Variants in ATXN8OS observed in about 807,000 individuals in gnomAD.
The protein encoded by ATXN8OS is ATXN8 opposite strand lncRNA, also known as ATXN8 opposite strand (non-protein coding).
chr13:70,120,494 C>T (rs1888343895), intron 2 of ATXN8OS, among the ~76,000 whole-genome samples: 1 of 152,130 alleles, frequency 6.6e-6, no homozygotes, highest in Non-Finnish European at 1.5e-5. Context: ...GGAGTCTATT[C>T]AGTCATGGAA....
intron 2 of ATXN8OS, among the ~76,000 whole-genome samples, chr13:70,124,703 G>A (rs1193888774): frequency 2.0e-5 from 3 of 151,528 alleles, no homozygotes; most frequent in Non-Finnish European, 2.9e-5. Flanking sequence ...TTTTTTCCCC[G>A]GAAATCTGGT....
chr13:70,146,861 A>G lies in ATXN8OS; in HGVS notation n.500-494A>G, dbSNP rs1161782261. Among the ~76,000 whole-genome samples, 2 of 152,164 alleles carry G rather than the reference A, an allele frequency of 1.3e-5. 1 individual carries two copies. Among genetic ancestry groups the G allele is most frequent in the Non-Finnish European group, 2.9e-5 (2 of 68,030 alleles). Reference sequence around the variant, plus strand: ...GCACACCAGCATGGCACATGTATACATATGTAACTAACGTGCACATTGTGC... The same window carrying G: ...GCACACCAGCATGGCACATGTATACGTATGTAACTAACGTGCACATTGTGC... On this transcript the variant is annotated intron_variant and non_coding_transcript_variant, in intron 3 of 4. Transcript: ENST00000678624.
chr13:70,169,512 T>A (rs2051242276), intron 4 of ATXN8OS, among the ~76,000 whole-genome samples: 1 of 152,042 alleles, frequency 6.6e-6, no homozygotes. Context: ...GCCAGGCTGG[T>A]CTCAAACTGC....
At chr13:70,163,604 T>G (rs1889036457) in intron 4 of ATXN8OS, among the ~76,000 whole-genome samples, 1 of 152,050 alleles carries the variant, frequency 6.6e-6, no homozygotes, top group Non-Finnish European at 1.5e-5. Context: ...ATGCTTGCTA[T>G]TATTCTTTAA....
chr13:70,159,088 A>T (rs1406546761), intron 4 of ATXN8OS, among the ~76,000 whole-genome samples: 1 of 151,998 alleles, frequency 6.6e-6, no homozygotes, highest in African/African-American at 2.4e-5. Context: ...AAATCTCCTC[A>T]TTACTAGATA....
chr13:70,115,208 A>G, exon 2 of ATXN8OS: 1 of 398,502 alleles, frequency 2.5e-6, no homozygotes, highest in Middle Eastern at 6.3e-4. Flanking sequence ...TCTTGCTCTG[A>G]ACACACATAG....
chr13:70,133,033 G>A (rs1449120113), intron 3 of ATXN8OS, among the ~76,000 whole-genome samples: 1 of 152,104 alleles, frequency 6.6e-6, no homozygotes, highest in African/African-American at 2.4e-5. Flanking sequence ...AACTATCATT[G>A]CATTGATCAG....
Position 70,131,507 on chromosome 13 carries a change from C to T in ATXN8OS, n.499+1623C>T, listed in dbSNP as rs188582914. On this transcript the variant is annotated intron_variant and non_coding_transcript_variant, in intron 3 of 4. Coordinates refer to ENST00000678624, the Ensembl canonical transcript of ATXN8OS. ...CTCATTTTACATATTTTTTTACATGCTCTCTATATTCCTGTAATTAAATAT... is the reference window on the plus strand; with the variant it reads ...CTCATTTTACATATTTTTTTACATGTTCTCTATATTCCTGTAATTAAATAT... The T allele has an allele frequency of 3.8e-5, 15 of 398,268 alleles. No homozygotes were observed. The East Asian group carries it at 5.4e-4, about 14-fold the overall frequency. The allele number at this position is 398,268 out of a possible 1,614,324, so 24.7% of individuals were successfully genotyped here.
At chr13:70,129,472 C>T (rs1888496776) in intron 2 of ATXN8OS, among the ~76,000 whole-genome samples, 1 of 151,794 alleles carries the variant, frequency 6.6e-6, no homozygotes, top group Non-Finnish European at 1.5e-5. Flanking sequence ...CTCAGGCTTT[C>T]TTTCTAATAC....
chr13:70,114,651 T>C (rs1052893522), intron 1 of ATXN8OS, among the ~76,000 whole-genome samples: 4 of 152,122 alleles, frequency 2.6e-5, no homozygotes, highest in African/African-American at 4.8e-5. Flanking sequence ...TACATCATAT[T>C]ATTATTTTCT....
rs561246784 is a variant in ATXN8OS at position 70,145,760 on chromosome 13, A to G, written n.500-1595A>G. 7.2e-5 allele frequency among the ~76,000 whole-genome samples: 11 copies of G among 152,242 alleles called. 1 individual carries two copies. Among genetic ancestry groups the G allele is most frequent in the Admixed American group, 7.2e-4 (11 of 15,268 alleles). On this transcript the variant is annotated intron_variant and non_coding_transcript_variant, in intron 3 of 4. Transcript: ENST00000678624. ...CTTAAGGAGATTTTGGGCTGAGACA[A>G]TGGGGTTTTCTAGATATACAATCAT...
chr13:70,110,092 T>A (rs1009027904), intron 1 of ATXN8OS, among the ~76,000 whole-genome samples: 20 of 152,260 alleles, frequency 1.3e-4, no homozygotes, highest in African/African-American at 4.6e-4. Context: ...AAAAGTTATA[T>A]GTTTAAAGGA....
In ATXN8OS at chr13:70,113,027, A is replaced by G. The variant is rs2137469026; in HGVS notation, n.241-2114A>G. Among the ~76,000 whole-genome samples, 2 of 147,832 alleles carry G rather than the reference A, an allele frequency of 1.4e-5. 1 individual carries two copies. The highest frequency in any genetic ancestry group is 4.2e-4 in the South Asian group (2 of 4,706). On this transcript the variant is annotated intron_variant and non_coding_transcript_variant, in intron 1 of 4. Coordinates refer to ENST00000678624, the Ensembl canonical transcript of ATXN8OS. ...AACCTTCACCTCCTGGATTCAAGTG[A>G]TTCTCTTGCCTCAGCCTCCCAAGTA...
chr13:70,116,329 G>C (rs1282598676), intron 2 of ATXN8OS, among the ~76,000 whole-genome samples: 1 of 152,054 alleles, frequency 6.6e-6, no homozygotes, highest in East Asian at 1.9e-4. Context: ...AGGAAAGGGG[G>C]GCTGAGCTTT....
intron 3 of ATXN8OS, among the ~76,000 whole-genome samples, chr13:70,132,085 A>C (rs1328613): frequency 0.027 from 4,171 of 152,234 alleles, 141 homozygotes; most frequent in African/African-American, 0.079. Context: ...ATTCATGTTA[A>C]AATTTTTAGT....
At chr13:70,165,008 T>TA (rs1439763867) in intron 4 of ATXN8OS, among the ~76,000 whole-genome samples, 2 of 151,912 alleles carry the variant, frequency 1.3e-5, no homozygotes, top group East Asian at 3.9e-4. Context: ...AACATTCTGA[T>TA]AAAAAGTATT....
chr13:70,108,080 C>T (rs1473772458), intron 1 of ATXN8OS: 6 of 414,116 alleles, frequency 1.4e-5, no homozygotes, highest in African/African-American at 8.2e-5. Context: ...TCCGAAGCTC[C>T]GGAGGCGGCT....
At chr13:70,146,732 G>A in intron 3 of ATXN8OS, among the ~76,000 whole-genome samples, 1 of 148,466 alleles carries the variant, frequency 6.7e-6, no homozygotes, top group Non-Finnish European at 1.5e-5. Context: ...CATGGACACA[G>A]GAAGGGGAAC....
At chr13:70,141,094 C>T (rs867249584) in intron 3 of ATXN8OS, among the ~76,000 whole-genome samples, 4 of 152,118 alleles carry the variant, frequency 2.6e-5, no homozygotes, top group Admixed American at 1.3e-4. Flanking sequence ...CCTTCTCAGG[C>T]ACTGTATTTT....
Sources: allele counts gnomAD v4.1 joint callset (sites outside exome capture counted in the v4.1 genomes callset), GRCh38; gene constraint gnomAD v4.1.1; transcripts MANE v1.5; gene names NCBI Gene and HGNC (gene_info 2026-07-23, HGNC 2026-07-21).